NKAIN2: variants seen among roughly 807,000 people sequenced by gnomAD.
The protein encoded by NKAIN2 is sodium/potassium transporting ATPase interacting 2, also known as sodium/potassium-transporting ATPase subunit beta-1-interacting protein 2.
Under a neutral mutation model 32.6 loss-of-function variants are expected in NKAIN2, and 14 were observed. The ratio of observed to expected loss-of-function variants is 0.43; its 90% CI spans 0.28 to 0.67. The LOEUF (loss-of-function observed/expected upper bound fraction) is 0.67, where lower values mean the gene tolerates loss of function less well. Among genes scored for constraint, NKAIN2 ranks in the 30% least tolerant of loss-of-function variants. The probability of loss-of-function intolerance (pLI) is 0.17; values close to 1 mark genes in which losing one functional copy is unlikely to be tolerated. For missense variants in NKAIN2, 198 were observed against 258.3 expected, an observed-to-expected ratio of 0.77 and a Z score of 1.60; for synonymous variants, 80 against 87.2, an observed-to-expected ratio of 0.92 and a Z score of 0.46.
intron 1 of NKAIN2, among the ~76,000 whole-genome samples, chr6:123,808,913 TGAGA>T (rs1773337071): frequency 6.6e-6 from 1 of 152,188 alleles, no homozygotes. Flanking sequence ...TGTGTGTGCT[TGAGA>T]GAAATAAAAT....
At chr6:124,276,092 G>A (rs1408459662) in intron 1 of NKAIN2, among the ~76,000 whole-genome samples, 2 of 151,944 alleles carry the variant, frequency 1.3e-5, no homozygotes, top group East Asian at 1.9e-4. Context: ...AGAGCAATTA[G>A]GGCCAAGTCT....
intron 2 of NKAIN2, among the ~76,000 whole-genome samples, chr6:124,306,779 T>C (rs1796521005): frequency 5.3e-5 from 8 of 152,160 alleles, no homozygotes; most frequent in Admixed American, 5.2e-4. Context: ...AGAAGACAAG[T>C]CAATCTTAAT....
chr6:124,466,278 A>C (rs1456541813), intron 3 of NKAIN2, among the ~76,000 whole-genome samples: 1 of 152,166 alleles, frequency 6.6e-6, no homozygotes. Flanking sequence ...TAGTGAGAGA[A>C]CAAGCTACTC....
chr6:124,519,212 G>A (rs942860543), intron 3 of NKAIN2, among the ~76,000 whole-genome samples: 5 of 152,224 alleles, frequency 3.3e-5, no homozygotes, highest in Admixed American at 2.6e-4. Flanking sequence ...GAATATGAGA[G>A]AAGGGGAACC....
intron 1 of NKAIN2, among the ~76,000 whole-genome samples, chr6:124,182,136 T>G (rs2114547336): frequency 6.6e-6 from 1 of 152,248 alleles, no homozygotes; most frequent in East Asian, 1.9e-4. Flanking sequence ...CAAGAGAGCA[T>G]GTGCAGGGGA....
intron 3 of NKAIN2, among the ~76,000 whole-genome samples, chr6:124,445,081 C>T (rs202054810): frequency 7.2e-5 from 11 of 151,862 alleles, no homozygotes; most frequent in African/African-American, 1.5e-4. Flanking sequence ...GTTTTAATAA[C>T]GAAACCTCTG....
At chr6:123,884,046 A>G (rs778623181) in intron 1 of NKAIN2, among the ~76,000 whole-genome samples, 37 of 151,878 alleles carry the variant, frequency 2.4e-4, no homozygotes, top group Non-Finnish European at 4.9e-4. Flanking sequence ...TGTACATATT[A>G]TTTCATCACC....
chr6:124,503,903 G>A (rs1288179602), intron 3 of NKAIN2, among the ~76,000 whole-genome samples: 3 of 151,906 alleles, frequency 2.0e-5, no homozygotes, highest in Admixed American at 6.6e-5. Context: ...TACTGATAAG[G>A]GCACAGACTA....
chr6:124,787,123 C>G (rs112461214), intron 4 of NKAIN2, among the ~76,000 whole-genome samples: 3 of 152,120 alleles, frequency 2.0e-5, no homozygotes, highest in Non-Finnish European at 4.4e-5. Flanking sequence ...GAATGGATTA[C>G]CAGTTCTTGG....
chr6:124,550,014 C>A (rs1030608581), intron 3 of NKAIN2, among the ~76,000 whole-genome samples: 1 of 152,194 alleles, frequency 6.6e-6, no homozygotes, highest in Admixed American at 6.5e-5. Flanking sequence ...TCTCTTTATG[C>A]TTTTGCCCAT....
chr6:123,857,129 C>G (rs1775584571), intron 1 of NKAIN2, among the ~76,000 whole-genome samples: 1 of 152,068 alleles, frequency 6.6e-6, no homozygotes, highest in Non-Finnish European at 1.5e-5. Context: ...AAACCTCTGT[C>G]CAGAAAAATG....
intron 3 of NKAIN2, among the ~76,000 whole-genome samples, chr6:124,588,098 T>C (rs562267560): frequency 6.6e-6 from 1 of 152,310 alleles, no homozygotes; most frequent in East Asian, 1.9e-4. Flanking sequence ...TGACTCTGTG[T>C]CATTTAAGTC....
At chr6:124,059,144 A>G (rs1010794144) in intron 1 of NKAIN2, among the ~76,000 whole-genome samples, 3 of 152,164 alleles carry the variant, frequency 2.0e-5, no homozygotes, top group Middle Eastern at 3.2e-3. Context: ...AATGACTGCA[A>G]CTAGGAAAAT....
At chr6:124,115,372 T>C (rs1302275777) in intron 1 of NKAIN2, among the ~76,000 whole-genome samples, 1 of 152,162 alleles carries the variant, frequency 6.6e-6, no homozygotes, top group Non-Finnish European at 1.5e-5. Flanking sequence ...TTAAATGTCA[T>C]GTGCCTTCAC....
rs1243882846 is a variant in NKAIN2, at chr6:123,911,791, A to ATG, written c.54+107538_54+107539insGT. On this transcript the variant is annotated intron_variant, in intron 1 of 6. Coordinates refer to ENST00000368417, the MANE Select transcript of NKAIN2 (RefSeq NM_001040214.3). ...TATATATACATACATACATATATAT[A>ATG]TATATATATGTATATATATATACAC... Among the ~76,000 whole-genome samples the ATG allele has an allele frequency of 6.9e-4, 76 of 110,306 alleles. 1 individual carries two copies. Among genetic ancestry groups the ATG allele is most frequent in the African/African-American group, 2.8e-3 (64 of 22,622 alleles). 72.4% of individuals were successfully genotyped at this position (110,306 alleles called of 152,430 possible). A position where few individuals can be genotyped will look rare whatever the true frequency, so the allele number is the denominator to read the frequency against.
intron 1 of NKAIN2, among the ~76,000 whole-genome samples, chr6:124,137,494 A>T (rs568108328): frequency 1.2e-4 from 19 of 152,216 alleles, no homozygotes; most frequent in African/African-American, 4.3e-4. Flanking sequence ...TTCTTCACAG[A>T]ACTAGGAAAA....
At chr6:124,705,429 G>A (rs1775010103) in intron 4 of NKAIN2, among the ~76,000 whole-genome samples, 1 of 152,100 alleles carries the variant, frequency 6.6e-6, no homozygotes, top group Admixed American at 6.6e-5. Context: ...CTTTCTTGTT[G>A]TTGTCTGTCA....
chr6:124,097,913 T>C (rs184040889), intron 1 of NKAIN2, among the ~76,000 whole-genome samples: 6 of 152,290 alleles, frequency 3.9e-5, no homozygotes, highest in Non-Finnish European at 5.9e-5. Context: ...ACATTTACGC[T>C]GAAACCTGAT....
At chr6:124,263,071 T>G (rs1328591109) in intron 1 of NKAIN2, among the ~76,000 whole-genome samples, 2 of 152,216 alleles carry the variant, frequency 1.3e-5, no homozygotes, top group African/African-American at 4.8e-5. Context: ...CTTATTGGAC[T>G]ATCATAAACA....
Sources: allele counts gnomAD v4.1 joint callset (sites outside exome capture counted in the v4.1 genomes callset), GRCh38; gene constraint gnomAD v4.1.1; transcripts MANE v1.5; gene names NCBI Gene and HGNC (gene_info 2026-07-23, HGNC 2026-07-21).